The following TLE1 variants were observed in gnomAD, a reference collection of about 807,000 sequenced individuals.
TLE1 encodes the protein TLE family member 1, transcriptional corepressor, also known as transducin-like enhancer protein 1.
In TLE1, 21 loss-of-function variants were observed where a neutral mutation model predicts 89.8. That is an observed-to-expected ratio of 0.23 (90% CI 0.17 to 0.34). The LOEUF is 0.34. TLE1 is among the 10% of genes least tolerant of loss of function. TLE1 has a pLI of 1.00. For missense variants in TLE1, 795 were observed against 1,031.2 expected, an observed-to-expected ratio of 0.77 and a Z score of 3.14; for synonymous variants, 447 against 407.6, an observed-to-expected ratio of 1.10 and a Z score of -1.16.
chr9:81,615,148 T>A (rs1334756819), intron 11 of TLE1, among the ~76,000 whole-genome samples: 1 of 114,834 alleles, frequency 8.7e-6, no homozygotes, highest in African/African-American at 3.3e-5. Context: ...GCAATGAACA[T>A]GGATGCGTGT....
chr9:81,597,167 A>AG (rs1332615361), intron 14 of TLE1, among the ~76,000 whole-genome samples: 1 of 152,168 alleles, frequency 6.6e-6, no homozygotes, highest in African/African-American at 2.4e-5. Flanking sequence ...CAGAGGTCGC[A>AG]GGGGTTGCTG....
At chr9:81,617,476 T>C (rs1824683563) in intron 9 of TLE1, among the ~76,000 whole-genome samples, 1 of 151,960 alleles carries the variant, frequency 6.6e-6, no homozygotes, top group Non-Finnish European at 1.5e-5. Context: ...GGCGGGCAGG[T>C]GGATCGCTTG....
chr9:81,683,324 G>A (rs1415038616), intron 4 of TLE1, among the ~76,000 whole-genome samples: 5 of 151,856 alleles, frequency 3.3e-5, no homozygotes, highest in African/African-American at 1.2e-4. Flanking sequence ...CATAAAGCAG[G>A]AATAATTTCA....
chr9:81,622,656 T>C (rs1825418652), intron 8 of TLE1, among the ~76,000 whole-genome samples: 2 of 152,318 alleles, frequency 1.3e-5, no homozygotes, highest in Middle Eastern at 3.4e-3. Context: ...GCTTATAATC[T>C]GAATAGGTTT....
intron 16 of TLE1, among the ~76,000 whole-genome samples, 175 bp downstream of exon 16, chr9:81,590,629 CT>C (rs1178122545): frequency 1.3e-5 from 2 of 152,250 alleles, no homozygotes; most frequent in Admixed American, 1.3e-4. Flanking sequence ...AGTAATAAGA[CT>C]GTAAGCCCCC....
chr9:81,594,805 A>T (rs1350144273), intron 14 of TLE1, among the ~76,000 whole-genome samples: 1 of 152,188 alleles, frequency 6.6e-6, no homozygotes, highest in East Asian at 1.9e-4. Context: ...TTGTAAAGTA[A>T]CTTAGCAAGC....
In TLE1 at chr9:81,584,311, A is replaced by C; in HGVS notation, c.2206-6T>G. 6.2e-7 allele frequency: 1 copy of C among 1,613,880 alleles called. No individual in the cohort carries two copies. Among genetic ancestry groups the C allele is most frequent in the Non-Finnish European group, 8.5e-7 (1 of 1,179,752 alleles). On this transcript the variant is annotated splice_region_variant and splice_polypyrimidine_tract_variant and intron_variant, in intron 19 of 19. Transcript: ENST00000376499. ...ACTGACGAGGACTCTTTGGACTGGA[A>C]GAGAAAACAATGGACATGTGTTTAA...
rs545756552 is a variant in TLE1, at chr9:81,593,199, G to A, written c.1407C>T (p.Pro469=). ...VPFPPDALIG[P]GIPRHARQIN... ...TCTGGCGAGCATGCCGGGGGATTCC[G>A]GGTCCGATGAGGGCGTCGGGGGGAA... Residue 469 remains proline, a synonymous_variant, in exon 15 of 20, where the codon CCC becomes CCT. Coordinates refer to ENST00000376499, the MANE Select transcript of TLE1 (RefSeq NM_005077.5). The A allele has an allele frequency of 1.1e-5, 18 of 1,614,040 alleles. No individual in the cohort carries two copies. The highest frequency in any genetic ancestry group is 4.5e-5 in the East Asian group (2 of 44,858).
At chr9:81,683,084 A>C (rs1833826558) in intron 4 of TLE1, among the ~76,000 whole-genome samples, 1 of 152,238 alleles carries the variant, frequency 6.6e-6, no homozygotes, top group Admixed American at 6.5e-5. Flanking sequence ...GAAAGTCAGC[A>C]GTGAGATTTG....
chr9:81,667,613 T>C (rs946495964), intron 4 of TLE1, among the ~76,000 whole-genome samples: 1 of 151,998 alleles, frequency 6.6e-6, no homozygotes, highest in African/African-American at 2.4e-5. Flanking sequence ...CAGTGCCACA[T>C]AATGGCTCCA....
At chr9:81,663,256 G>T (rs1016283722) in intron 4 of TLE1, among the ~76,000 whole-genome samples, 2 of 152,150 alleles carry the variant, frequency 1.3e-5, no homozygotes, top group Non-Finnish European at 2.9e-5. Flanking sequence ...GGCAAACCTG[G>T]AACTATTTGG....
At chr9:81,587,916 G>GTGTGTGTGTGTGTGTCATCCCGCC in intron 16 of TLE1, 88 bp from the exon 17 acceptor site, 3 of 881,588 alleles carry the variant, frequency 3.4e-6, no homozygotes, top group South Asian at 4.2e-5. Flanking sequence ...CCGTGTGTGT[G>GTGTGTGTGTGTGTGTCATCCCGCC]TGTGTGTGTG....
chr9:81,593,389 G>C, intron 14 of TLE1, 115 bp from the exon 15 acceptor site: 1 of 1,346,452 alleles, frequency 7.4e-7, no homozygotes, highest in South Asian at 1.6e-5. Context: ...AGATTCTCTT[G>C]TATAGTTTCC....
intron 17 of TLE1, 21 bp downstream of exon 17, chr9:81,587,660 A>G (rs1177178456): frequency 1.0e-5 from 16 of 1,598,874 alleles, no homozygotes; most frequent in African/African-American, 1.3e-5. Context: ...ACTCCAGGGC[A>G]GGCGGAAGCC....
At chr9:81,616,543 T>TC (rs1824537821) in intron 10 of TLE1, 103 bp downstream of exon 10, 1 of 1,198,684 alleles carries the variant, frequency 8.3e-7, no homozygotes, top group Non-Finnish European at 1.2e-6. Flanking sequence ...TTGCAAGAGG[T>TC]CCCCCCACCG....
chr9:81,683,331 T>A (rs1336077729), intron 4 of TLE1, among the ~76,000 whole-genome samples: 1 of 152,018 alleles, frequency 6.6e-6, no homozygotes, highest in African/African-American at 2.4e-5. Context: ...CAGGAATAAT[T>A]TCAGCCTGTC....
At chr9:81,585,289 T>C (rs1828237884) in intron 18 of TLE1, among the ~76,000 whole-genome samples, 1 of 152,188 alleles carries the variant, frequency 6.6e-6, no homozygotes, top group African/African-American at 2.4e-5. Context: ...AACCGTGTAT[T>C]AGGCAATCAC....
chr9:81,661,904 G>C (rs1467109901), intron 4 of TLE1, among the ~76,000 whole-genome samples: 1 of 152,204 alleles, frequency 6.6e-6, no homozygotes, highest in Non-Finnish European at 1.5e-5. Flanking sequence ...CTCAGGGAAA[G>C]TGGAACAATC....
chr9:81,662,875 T>A (rs1830992525), intron 4 of TLE1, among the ~76,000 whole-genome samples: 1 of 151,960 alleles, frequency 6.6e-6, no homozygotes, highest in South Asian at 2.1e-4. Context: ...TGAGACAGGG[T>A]CTCACCCTGT....
Sources: allele counts gnomAD v4.1 joint callset (sites outside exome capture counted in the v4.1 genomes callset), GRCh38; gene constraint gnomAD v4.1.1; transcripts MANE v1.5; gene names NCBI Gene and HGNC (gene_info 2026-07-23, HGNC 2026-07-21).